WNK2: variants seen among roughly 807,000 people sequenced by gnomAD.
WNK2 encodes the protein WNK lysine deficient protein kinase 2, also known as serine/threonine-protein kinase WNK2.
WNK2 carries 67 observed loss-of-function variants against 192.1 expected under a neutral mutation model. The ratio of observed to expected loss-of-function variants is 0.35; its 90% CI spans 0.29 to 0.43. The LOEUF (loss-of-function observed/expected upper bound fraction) is 0.43. WNK2 is among the 20% of genes least tolerant of loss of function. WNK2 has a pLI of 1.00. For missense variants in WNK2, 2,698 were observed against 3,089.7 expected (o/e 0.87, Z 3.01); for synonymous variants, 1,439 against 1,393.9 (o/e 1.03, Z -0.72).
intron 2 of WNK2, among the ~76,000 whole-genome samples, chr9:93,208,155 G>A (rs747356338): frequency 5.9e-5 from 9 of 152,222 alleles, no homozygotes; most frequent in Non-Finnish European, 1.0e-4. Flanking sequence ...GCCTGGAGCA[G>A]GGGACGTCCC....
intron 19 of WNK2, among the ~76,000 whole-genome samples, chr9:93,287,363 G>T (rs1038621128): frequency 2.0e-5 from 3 of 152,170 alleles, no homozygotes; most frequent in Admixed American, 6.5e-5. Flanking sequence ...GGGCCTGCAC[G>T]CACTGTGCCT....
Position 93,272,232 on chromosome 9 carries a change from A to G in WNK2, c.4033+3486A>G, listed in dbSNP as rs947210072. Among the ~76,000 whole-genome samples, 4 of 152,234 alleles carry G rather than the reference A, an allele frequency of 2.6e-5. No homozygotes were observed. In the East Asian group the frequency reaches 7.7e-4, roughly 29 times the overall value. ...ATATAATAGACTATTCTTCTCCTCG[A>G]GTTCTTTAAAACATTTCTGACAATT... On this transcript the variant is annotated intron_variant, in intron 19 of 29. Coordinates refer to ENST00000427277, the MANE Select transcript of WNK2 (RefSeq NM_006648.4).
chr9:93,209,402 G>A (rs1236935412), intron 2 of WNK2, among the ~76,000 whole-genome samples: 1 of 152,190 alleles, frequency 6.6e-6, no homozygotes, highest in Non-Finnish European at 1.5e-5. Context: ...GGTGACACAT[G>A]GAACACCTCA....
chr9:93,213,799 A>G (rs917923659), intron 2 of WNK2, among the ~76,000 whole-genome samples: 4 of 152,106 alleles, frequency 2.6e-5, no homozygotes, highest in African/African-American at 4.8e-5. Flanking sequence ...CAAAAACAAA[A>G]CAAAACAAAA....
At chr9:93,198,743 C>T (rs1024832398) in intron 2 of WNK2, among the ~76,000 whole-genome samples, 2 of 152,238 alleles carry the variant, frequency 1.3e-5, no homozygotes, top group Non-Finnish European at 1.5e-5. Flanking sequence ...AGCGTCTGCG[C>T]TGATATGTGC....
At chr9:93,286,286 C>T (rs2133729951) in intron 19 of WNK2, among the ~76,000 whole-genome samples, 1 of 152,218 alleles carries the variant, frequency 6.6e-6, no homozygotes, top group East Asian at 1.9e-4. Flanking sequence ...AGTTCTCTAC[C>T]CAGCATCATG....
chr9:93,233,720 A>AG (rs1839313465), intron 4 of WNK2, among the ~76,000 whole-genome samples: 1 of 151,658 alleles, frequency 6.6e-6, no homozygotes. Context: ...AAAAAAAAAA[A>AG]AGTAACACAT....
intron 7 of WNK2, 82 bp downstream of exon 7, chr9:93,240,058 AG>A: frequency 1.4e-6 from 2 of 1,431,608 alleles, no homozygotes; most frequent in South Asian, 2.6e-5. Context: ...AAGTGGGCTG[AG>A]GGGGCTTGCT....
At chr9:93,249,764 G>A (rs981012398) in intron 8 of WNK2, among the ~76,000 whole-genome samples, 5 of 152,004 alleles carry the variant, frequency 3.3e-5, no homozygotes, top group East Asian at 1.9e-4. Flanking sequence ...GTGAGCCACC[G>A]CAACCAGCCC....
rs202200268 is a variant in WNK2 at position 93,243,908 on chromosome 9, A to G, written c.1543-3635A>G. Among the ~76,000 whole-genome samples, 18 of 152,372 alleles carry G rather than the reference A, an allele frequency of 1.2e-4. No homozygotes were observed. In the East Asian group the frequency reaches 3.1e-3, roughly 26 times the overall value. On this transcript the variant is annotated intron_variant, in intron 7 of 29. Coordinates refer to ENST00000427277, the MANE Select transcript of WNK2 (RefSeq NM_006648.4). ...CTGCTGAGGCTAGAGAGACACTAGC[A>G]CCTGGCTCTGAGGCTGCTCTTCTTC...
intron 29 of WNK2, chr9:93,319,087 G>A (rs755658521): frequency 2.5e-6 from 4 of 1,613,492 alleles, no homozygotes; most frequent in Non-Finnish European, 2.5e-6. Context: ...GAGTGAAGTG[G>A]GGGCTGCCCT....
intron 4 of WNK2, among the ~76,000 whole-genome samples, chr9:93,231,655 C>T (rs1838832964): frequency 6.6e-6 from 1 of 152,222 alleles, no homozygotes; most frequent in African/African-American, 2.4e-5. Flanking sequence ...CGGGGCGGGG[C>T]ACAGAGCAGG....
rs184365340 is a variant in WNK2, at chr9:93,258,384, C to T, written c.2383-547C>T. On this transcript the variant is annotated intron_variant, in intron 11 of 29. Transcript: ENST00000427277. Reference sequence around the variant, plus strand: ...CCAGCCAAGGTGGCTCAAAGATTTGCTTTCTCTGAGAACCCTCTGAAAAGT... The same window carrying T: ...CCAGCCAAGGTGGCTCAAAGATTTGTTTTCTCTGAGAACCCTCTGAAAAGT... 5.0e-3 allele frequency among the ~76,000 whole-genome samples: 763 copies of T among 152,336 alleles called. 4 individuals carry two copies. Among genetic ancestry groups the T allele is most frequent in the East Asian group, 0.025 (131 of 5,184 alleles).
chr9:93,211,239 C>CACTCATCCACTCACTT (rs1834559596), intron 2 of WNK2, among the ~76,000 whole-genome samples: 1 of 19,706 alleles, frequency 5.1e-5, no homozygotes, highest in Non-Finnish European at 1.1e-4. Context: ...CTCACTCACT[C>CACTCATCCACTCACTT]ATTCACTCAC....
At chr9:93,271,435 G>T (rs756502813) in intron 19 of WNK2, among the ~76,000 whole-genome samples, 1 of 152,206 alleles carries the variant, frequency 6.6e-6, no homozygotes, top group Non-Finnish European at 1.5e-5. Context: ...GTGACAAGAC[G>T]ATGTAGATTT....
intron 11 of WNK2, among the ~76,000 whole-genome samples, chr9:93,258,611 C>A (rs1478087114): frequency 6.6e-6 from 1 of 152,176 alleles, no homozygotes. Context: ...CTCAGAGCCC[C>A]CAGCATGGCT....
intron 19 of WNK2, among the ~76,000 whole-genome samples, chr9:93,278,472 T>G (rs1162460363): frequency 1.3e-5 from 2 of 152,216 alleles, no homozygotes; most frequent in Non-Finnish European, 2.9e-5. Flanking sequence ...CAAGGGGTTT[T>G]GGGTACAGTA....
At position 93,229,967 on chromosome 9, in the gene WNK2, G is replaced by A; in HGVS notation, c.854+99G>A. 3 of 1,435,382 alleles carry A rather than the reference G, an allele frequency of 2.1e-6. No homozygotes were observed. The highest frequency in any genetic ancestry group is 4.9e-5 in the East Asian group (2 of 41,078). The allele number at this position is 1,435,382 out of a possible 1,614,324, so 88.9% of individuals were successfully genotyped here. A position where few individuals can be genotyped will look rare whatever the true frequency, so the allele number is the denominator to read the frequency against. The stretch of plus-strand genomic sequence containing the variant: ...TTGGGCTGCTGGGGTGGTCCTGGCT[G>A]GTGCCTGTGGGAGGCTGTCTCCTCT... On this transcript the variant is annotated intron_variant, in intron 3 of 29. Transcript: ENST00000427277. This position sits in a 1 kb window ranked among gnomAD's most constrained non-coding sequence, Gnocchi z 4.9.
At chr9:93,269,499 G>A (rs1278289946) in intron 19 of WNK2, among the ~76,000 whole-genome samples, 1 of 152,176 alleles carries the variant, frequency 6.6e-6, no homozygotes, top group East Asian at 1.9e-4. Context: ...GCCTAATAAC[G>A]AAATCCAAAC....
Sources: allele counts gnomAD v4.1 joint callset (sites outside exome capture counted in the v4.1 genomes callset), GRCh38; gene constraint gnomAD v4.1.1; non-coding constraint Gnocchi (gnomAD v3.1); transcripts MANE v1.5; gene names NCBI Gene and HGNC (gene_info 2026-07-23, HGNC 2026-07-21).